The following RAB38 variants were observed in gnomAD, a reference collection of about 807,000 sequenced individuals.
RAB38 encodes ras-related protein Rab-38.
In RAB38, 15 loss-of-function variants were observed where a neutral mutation model predicts 18.4. That is an observed-to-expected ratio of 0.82 (90% CI 0.55 to 1.26). The LOEUF is 1.26. RAB38 is among the 50% of genes most tolerant of loss of function. The pLI, the probability that RAB38 is intolerant of heterozygous loss-of-function variation, is 0.00. For missense variants in RAB38, 294 were observed against 267.4 expected (o/e 1.10, Z -0.69); for synonymous variants, 101 against 104.4 (o/e 0.97, Z 0.20).
At chr11:87,914,531 T>A in the RAB38 span, among the ~76,000 whole-genome samples, 1 of 152,104 alleles carries the variant, frequency 6.6e-6, no homozygotes, top group East Asian at 1.9e-4. Flanking sequence ...AGAGGTAGAA[T>A]TTATAATTAA....
chr11:87,930,431 A>G, the RAB38 span, among the ~76,000 whole-genome samples: 2 of 151,998 alleles, frequency 1.3e-5, no homozygotes, highest in African/African-American at 2.4e-5. Flanking sequence ...TTTCTTGTAA[A>G]TTTGTTTGAG....
chr11:87,849,323 C>T, the RAB38 span, among the ~76,000 whole-genome samples: 2 of 152,134 alleles, frequency 1.3e-5, no homozygotes, highest in African/African-American at 4.8e-5. Context: ...TTCCCTCATC[C>T]TTCTACTTTT....
the RAB38 span, among the ~76,000 whole-genome samples, chr11:87,854,662 GAATT>G: frequency 6.6e-6 from 1 of 151,956 alleles, no homozygotes; most frequent in African/African-American, 2.4e-5. Flanking sequence ...AAAAACACCA[GAATT>G]AATAAAAATG....
At chr11:87,839,215 T>C in the RAB38 span, among the ~76,000 whole-genome samples, 1 of 152,342 alleles carries the variant, frequency 6.6e-6, no homozygotes, top group African/African-American at 2.4e-5. Context: ...TTAATAGATT[T>C]TAGTCTTGTG....
At chr11:88,060,702 T>A in the RAB38 span, among the ~76,000 whole-genome samples, 1 of 152,192 alleles carries the variant, frequency 6.6e-6, no homozygotes, top group African/African-American at 2.4e-5. Context: ...TATTTAAGGA[T>A]ATTTAGCAGC....
the RAB38 span, among the ~76,000 whole-genome samples, chr11:87,926,842 T>G: frequency 6.6e-6 from 1 of 152,016 alleles, no homozygotes; most frequent in Non-Finnish European, 1.5e-5. Context: ...CAGGCTTCCT[T>G]TGCACAACGT....
the RAB38 span, among the ~76,000 whole-genome samples, chr11:87,835,026 C>G: frequency 2.8e-4 from 42 of 152,288 alleles, no homozygotes; most frequent in Middle Eastern, 3.4e-3. Context: ...TCTCCTGTGC[C>G]ATAGGAGGTA....
chr11:87,830,448 T>G, the RAB38 span, among the ~76,000 whole-genome samples: 2 of 151,740 alleles, frequency 1.3e-5, no homozygotes, highest in African/African-American at 4.8e-5. Flanking sequence ...GCCACTGCAC[T>G]GCAGCCTGGG....
At chr11:87,851,459 A>C in the RAB38 span, among the ~76,000 whole-genome samples, 2 of 152,226 alleles carry the variant, frequency 1.3e-5, no homozygotes, top group Admixed American at 1.3e-4. Flanking sequence ...ATGGCATTTC[A>C]TGCCTAAACG....
the RAB38 span, among the ~76,000 whole-genome samples, chr11:87,918,840 TGTTTC>T: frequency 6.6e-6 from 1 of 152,090 alleles, no homozygotes; most frequent in African/African-American, 2.4e-5. Flanking sequence ...CTCTAGTAAT[TGTTTC>T]TTTTCCTGTG....
the RAB38 span, among the ~76,000 whole-genome samples, chr11:88,023,775 C>T: frequency 6.6e-6 from 1 of 152,026 alleles, no homozygotes; most frequent in Non-Finnish European, 1.5e-5. Context: ...GACAAAGGTG[C>T]CAAGAACATA....
chr11:87,914,345 T>C, the RAB38 span, among the ~76,000 whole-genome samples: 2 of 152,114 alleles, frequency 1.3e-5, no homozygotes, highest in Non-Finnish European at 2.9e-5. Context: ...CTTGTTACAT[T>C]GTAGCAAAAT....
At chr11:87,883,597 A>G in the RAB38 span, among the ~76,000 whole-genome samples, 1 of 151,956 alleles carries the variant, frequency 6.6e-6, no homozygotes, top group Admixed American at 6.6e-5. Flanking sequence ...GGAACTTTGC[A>G]GAAGTGATTC....
the RAB38 span, among the ~76,000 whole-genome samples, chr11:87,971,319 G>A: frequency 3.3e-5 from 5 of 152,174 alleles, no homozygotes; most frequent in Admixed American, 1.3e-4. Context: ...AATGAGGCAG[G>A]AAGAACATTG....
At chr11:87,817,287 A>T in the RAB38 span, 3 of 151,030 alleles carry the variant, frequency 2.0e-5, no homozygotes, top group Non-Finnish European at 2.9e-5. Flanking sequence ...TAAACATTTT[A>T]TTACTCAATG....
the RAB38 span, among the ~76,000 whole-genome samples, chr11:88,076,967 AAAAAAAAAGAAAG>A: frequency 8.8e-6 from 1 of 113,982 alleles, no homozygotes; most frequent in Admixed American, 9.9e-5. Flanking sequence ...AAAAAAAAAA[AAAAAAAAAGAAAG>A]AAAGAAAGAA....
the RAB38 span, among the ~76,000 whole-genome samples, chr11:88,076,275 T>C: frequency 4.6e-5 from 7 of 151,944 alleles, no homozygotes; most frequent in Non-Finnish European, 1.0e-4. Context: ...AAAACATACC[T>C]CAAATAATAA....
At chr11:88,081,431 TA>T in the RAB38 span, among the ~76,000 whole-genome samples, 1 of 151,924 alleles carries the variant, frequency 6.6e-6, no homozygotes, top group Non-Finnish European at 1.5e-5. Context: ...TTTTGTCTCA[TA>T]GTTATAGATG....
At chr11:87,941,927 C>G in the RAB38 span, among the ~76,000 whole-genome samples, 1 of 152,264 alleles carries the variant, frequency 6.6e-6, no homozygotes, top group East Asian at 1.9e-4. Flanking sequence ...AGGATCATCC[C>G]TGAAGGGAGT....
Sources: allele counts gnomAD v4.1 joint callset (sites outside exome capture counted in the v4.1 genomes callset), GRCh38; gene constraint gnomAD v4.1.1; transcripts MANE v1.5; gene names NCBI Gene and HGNC (gene_info 2026-07-23, HGNC 2026-07-21).